Variants in RSRC1 observed in about 807,000 individuals in gnomAD.
RSRC1 encodes serine/Arginine-related protein 53.
Under a neutral mutation model 49.1 loss-of-function variants are expected in RSRC1, and 39 were observed. The ratio of observed to expected loss-of-function variants is 0.79; its 90% CI spans 0.61 to 1.04. The LOEUF is 1.04. RSRC1 is among the 50% of genes least tolerant of loss of function. RSRC1 has a pLI of 0.00. For missense variants in RSRC1, 388 were observed against 402.4 expected (o/e 0.96, Z 0.31); for synonymous variants, 143 against 130.8 (o/e 1.09, Z -0.63).
rs539222378 is a variant in RSRC1 at position 158,412,344 on chromosome 3, T to C, written c.584-48591T>C. Among the ~76,000 whole-genome samples the C allele has an allele frequency of 3.9e-5, 6 of 152,272 alleles. No homozygotes were observed. The South Asian group carries it at 1.2e-3, about 32-fold the overall frequency. ...TTGGTGTAACTGTGATGGACTCCAC[T>C]ACAATCATAAAAATAGTTTAAATGA... On this transcript the variant is annotated intron_variant, in intron 6 of 9. Coordinates refer to ENST00000611884, the MANE Select transcript of RSRC1 (RefSeq NM_001271838.2).
intron 6 of RSRC1, among the ~76,000 whole-genome samples, chr3:158,434,115 A>G (rs1242118923): frequency 1.3e-5 from 2 of 151,978 alleles, no homozygotes; most frequent in African/African-American, 4.8e-5. Context: ...ACTAAAATCC[A>G]GTTTTCCCGA....
At chr3:158,277,972 A>G (rs1169304911) in intron 4 of RSRC1, among the ~76,000 whole-genome samples, 2 of 152,136 alleles carry the variant, frequency 1.3e-5, no homozygotes, top group East Asian at 3.9e-4. Context: ...TTTTATGTCT[A>G]CTGCTGAAGC....
At chr3:158,402,225 T>C (rs1371172710) in intron 6 of RSRC1, among the ~76,000 whole-genome samples, 1 of 151,906 alleles carries the variant, frequency 6.6e-6, no homozygotes, top group East Asian at 1.9e-4. Flanking sequence ...ATTTCTTCTG[T>C]AGTCAGAAAA....
At chr3:158,318,005 C>T (rs1447849413) in intron 5 of RSRC1, among the ~76,000 whole-genome samples, 1 of 150,076 alleles carries the variant, frequency 6.7e-6, no homozygotes, top group Non-Finnish European at 1.5e-5. Context: ...TTTCTTAAAA[C>T]ATTATGAAGT....
intron 4 of RSRC1, among the ~76,000 whole-genome samples, chr3:158,287,047 C>T (rs1578291142): frequency 6.6e-6 from 1 of 152,226 alleles, no homozygotes; most frequent in Admixed American, 6.5e-5. Context: ...AGGATGGTCT[C>T]CATCTCCTGA....
chr3:158,439,016 C>T lies in RSRC1; in HGVS notation c.584-21919C>T, dbSNP rs542633593. On this transcript the variant is annotated intron_variant, in intron 6 of 9. Transcript: ENST00000611884. ...AAAGTGGGCGAAGGATATGAAGAGGCACTTCTCAAAAGAAGACATTTATGC... is the reference window on the plus strand; with the variant it reads ...AAAGTGGGCGAAGGATATGAAGAGGTACTTCTCAAAAGAAGACATTTATGC... 8.7e-3 allele frequency among the ~76,000 whole-genome samples: 1,329 copies of T among 152,264 alleles called. 6 individuals are homozygous for T. The highest frequency in any genetic ancestry group is 0.014 in the Non-Finnish European group (934 of 68,028).
At chr3:158,291,025 C>G (rs1345567182) in intron 4 of RSRC1, among the ~76,000 whole-genome samples, 1 of 152,022 alleles carries the variant, frequency 6.6e-6, no homozygotes, top group Non-Finnish European at 1.5e-5. Context: ...GAGGCCCTAC[C>G]TATCTCTACA....
chr3:158,469,839 A>T (rs1738048376), intron 7 of RSRC1: 1 of 152,110 alleles, frequency 6.6e-6, no homozygotes, highest in South Asian at 2.1e-4. Context: ...ATTACCTATT[A>T]ACGGAAAACA....
intron 6 of RSRC1, among the ~76,000 whole-genome samples, chr3:158,376,979 G>A (rs1420976433): frequency 6.6e-6 from 1 of 152,114 alleles, no homozygotes; most frequent in African/African-American, 2.4e-5. Context: ...TATCAGTTAG[G>A]TCAAAGTTGG....
intron 5 of RSRC1, among the ~76,000 whole-genome samples, chr3:158,323,666 G>T (rs2693528): frequency 2.0e-5 from 3 of 151,902 alleles, no homozygotes; most frequent in Admixed American, 2.0e-4. Flanking sequence ...CAAGCAAGAA[G>T]ATCAAAACTT....
intron 3 of RSRC1, among the ~76,000 whole-genome samples, chr3:158,190,097 T>C (rs1257059787): frequency 6.6e-6 from 1 of 152,018 alleles, no homozygotes; most frequent in Non-Finnish European, 1.5e-5. Flanking sequence ...AAAGCCATTG[T>C]TTTGCTGTGT....
intron 5 of RSRC1, among the ~76,000 whole-genome samples, chr3:158,304,995 G>T (rs190874504): frequency 1.8e-3 from 273 of 152,208 alleles, no homozygotes; most frequent in Non-Finnish European, 2.2e-3. Flanking sequence ...TAAATCTGAG[G>T]ACTGGCATAT....
intron 3 of RSRC1, among the ~76,000 whole-genome samples, chr3:158,145,942 G>T (rs1717077554): frequency 6.6e-6 from 1 of 152,136 alleles, no homozygotes; most frequent in South Asian, 2.1e-4. Flanking sequence ...TCTGTTATTG[G>T]TGTATAAGAA....
chr3:158,400,737 C>T (rs1159064830), intron 6 of RSRC1, among the ~76,000 whole-genome samples: 3 of 151,982 alleles, frequency 2.0e-5, no homozygotes, highest in Non-Finnish European at 4.4e-5. Flanking sequence ...CCATACAGTG[C>T]ATCATTTTAA....
intron 6 of RSRC1, among the ~76,000 whole-genome samples, chr3:158,383,246 G>A (rs1732796824): frequency 6.6e-6 from 1 of 152,154 alleles, no homozygotes; most frequent in Non-Finnish European, 1.5e-5. Flanking sequence ...ATCAAGAAAG[G>A]ATGAATGAAG....
intron 5 of RSRC1, among the ~76,000 whole-genome samples, chr3:158,331,297 G>A (rs552834937): frequency 6.6e-6 from 1 of 152,302 alleles, no homozygotes; most frequent in South Asian, 2.1e-4. Flanking sequence ...AGAAATTTGA[G>A]GAGAGAGCTT....
chr3:158,500,058 A>G (rs1398612766), intron 7 of RSRC1, among the ~76,000 whole-genome samples: 1 of 152,192 alleles, frequency 6.6e-6, no homozygotes, highest in East Asian at 1.9e-4. Flanking sequence ...GATTTTGCTG[A>G]GAGTTTTAAT....
chr3:158,525,126 A>G (rs934862991), intron 7 of RSRC1, among the ~76,000 whole-genome samples: 1 of 151,992 alleles, frequency 6.6e-6, no homozygotes, highest in Non-Finnish European at 1.5e-5. Flanking sequence ...TTAAGAAACA[A>G]AAAGGCAAGT....
At chr3:158,199,626 C>T (rs937490142) in intron 3 of RSRC1, among the ~76,000 whole-genome samples, 3 of 152,040 alleles carry the variant, frequency 2.0e-5, no homozygotes, top group African/African-American at 7.2e-5. Flanking sequence ...GATATTTCTT[C>T]TTTTCTAGTA....
Sources: allele counts gnomAD v4.1 joint callset (sites outside exome capture counted in the v4.1 genomes callset), GRCh38; gene constraint gnomAD v4.1.1; transcripts MANE v1.5; gene names NCBI Gene and HGNC (gene_info 2026-07-23, HGNC 2026-07-21).